Variants in METTL16 observed in about 807,000 individuals in gnomAD.
The protein encoded by METTL16 is RNA N(6)-adenosine-methyltransferase METTL16.
METTL16 carries 19 observed loss-of-function variants against 57.9 expected under a neutral mutation model. The observed-to-expected ratio is 0.33, with a 90% CI of 0.23 to 0.48. The LOEUF is 0.48. METTL16 is among the 20% of genes least tolerant of loss of function. The probability of loss-of-function intolerance (pLI) is 0.99; values close to 1 mark genes in which losing one functional copy is unlikely to be tolerated. For missense variants in METTL16, 434 were observed against 691.5 expected (o/e 0.63, Z 4.18); for synonymous variants, 246 against 255.6 (o/e 0.96, Z 0.36).
intron 8 of METTL16, among the ~76,000 whole-genome samples, chr17:2,432,409 T>G (rs1248728198): frequency 2.6e-5 from 4 of 151,970 alleles, no homozygotes. Context: ...CTCTATAAAA[T>G]AATACAAAAA....
At chr17:2,487,241 T>C (rs2067350202) in intron 2 of METTL16, among the ~76,000 whole-genome samples, 1 of 152,096 alleles carries the variant, frequency 6.6e-6, no homozygotes, top group African/African-American at 2.4e-5. Context: ...GAGAACCGTT[T>C]TTGAAGAGAA....
intron 2 of METTL16, among the ~76,000 whole-genome samples, chr17:2,480,669 C>G (rs920633442): frequency 2.6e-5 from 4 of 152,148 alleles, no homozygotes; most frequent in Non-Finnish European, 5.9e-5. Flanking sequence ...AAGATAGAAA[C>G]AAATCAGAAG....
intron 2 of METTL16, among the ~76,000 whole-genome samples, chr17:2,484,533 C>T (rs898040377): frequency 8.6e-5 from 13 of 151,040 alleles, no homozygotes; most frequent in Non-Finnish European, 1.5e-4. Context: ...TCGTTCTTGT[C>T]GCCCAGCCTG....
chr17:2,495,835 G>A (rs536071011), intron 2 of METTL16, among the ~76,000 whole-genome samples: 5 of 151,678 alleles, frequency 3.3e-5, no homozygotes, highest in South Asian at 2.1e-4. Flanking sequence ...CCGGCCGGGC[G>A]CGGTGGCTCA....
intron 2 of METTL16, 51 bp downstream of exon 2, chr17:2,502,153 T>C (rs117636705): frequency 6.4e-5 from 101 of 1,587,896 alleles, no homozygotes; most frequent in Non-Finnish European, 8.4e-5. Flanking sequence ...TATTACATCA[T>C]ATCCATTTGA....
intron 8 of METTL16, among the ~76,000 whole-genome samples, chr17:2,422,450 G>A (rs1013266459): frequency 2.6e-5 from 4 of 151,358 alleles, no homozygotes; most frequent in African/African-American, 4.9e-5. Context: ...GCGCCATCTC[G>A]GCTCACTGCA....
intron 8 of METTL16, among the ~76,000 whole-genome samples, chr17:2,428,595 ATATAT>A (rs1567881692): frequency 0.18 from 8,360 of 47,464 alleles, 1,182 homozygotes; most frequent in East Asian, 0.63. Flanking sequence ...ATATATATAT[ATATAT>A]ATAAATTGTA....
In METTL16 at chr17:2,419,635, A is replaced by C. The variant is rs1441111417; in HGVS notation, c.*335T>G. 3.9e-6 allele frequency: 2 copies of C among 517,536 alleles called. No homozygotes were observed. Among genetic ancestry groups the C allele is most frequent in the East Asian group, 1.0e-4 (2 of 19,148 alleles). The allele number at this position is 517,536 out of a possible 1,614,324, so 32.1% of individuals were successfully genotyped here. ...TATTCTAGGCAGTGCTGCCCAGCCC[A>C]GACTCCACAAACAACCCTTCTGACC... On this transcript the variant is annotated 3_prime_UTR_variant, in exon 10 of 10. Coordinates refer to ENST00000263092, the MANE Select transcript of METTL16 (RefSeq NM_024086.4).
At chr17:2,481,179 G>A (rs149416765) in intron 2 of METTL16, among the ~76,000 whole-genome samples, 29 of 150,422 alleles carry the variant, frequency 1.9e-4, no homozygotes, top group South Asian at 1.5e-3. Flanking sequence ...CCGCACTCCC[G>A]TACGGATGAC....
rs544482424 is a variant in METTL16, at chr17:2,465,380, A to G, written c.586-1030T>C. Among the ~76,000 whole-genome samples the G allele has an allele frequency of 1.3e-4, 19 of 149,766 alleles. No individual in the cohort carries two copies. In the East Asian group the frequency reaches 3.0e-3, roughly 23 times the overall value. On this transcript the variant is annotated intron_variant, in intron 5 of 9. Coordinates refer to ENST00000263092, the MANE Select transcript of METTL16 (RefSeq NM_024086.4). Reference sequence around the variant, plus strand: ...AACAAAGTGAAACCCCATCTCTACTAAAAAAAAATACAAAAAATTAGCTGG... The same window carrying G: ...AACAAAGTGAAACCCCATCTCTACTGAAAAAAAATACAAAAAATTAGCTGG...
At position 2,437,178 on chromosome 17, in the gene METTL16, G is replaced by A. The variant is rs540138257; in HGVS notation, c.888+931C>T. Among the ~76,000 whole-genome samples, 181 of 152,186 alleles carry A rather than the reference G, an allele frequency of 1.2e-3. 1 individual carries two copies. Among genetic ancestry groups the A allele is most frequent in the South Asian group, 7.7e-3 (37 of 4,822 alleles). Reference sequence around the variant, plus strand: ...ATCACAGGTGTGAGCCACCAGGCCTGGACACAAATCATTTCTTTAAACTTT... The same window carrying A: ...ATCACAGGTGTGAGCCACCAGGCCTAGACACAAATCATTTCTTTAAACTTT... On this transcript the variant is annotated intron_variant, in intron 8 of 9. Transcript: ENST00000263092.
At chr17:2,502,747 A>G (rs980722855) in intron 1 of METTL16, among the ~76,000 whole-genome samples, 3 of 152,124 alleles carry the variant, frequency 2.0e-5, no homozygotes, top group Admixed American at 6.6e-5. Context: ...TACAGCCAAC[A>G]TGTCTTTGCC....
At chr17:2,485,886 C>A (rs781552455) in intron 2 of METTL16, among the ~76,000 whole-genome samples, 66 of 152,268 alleles carry the variant, frequency 4.3e-4, no homozygotes, top group African/African-American at 1.4e-3. Context: ...ACTGACCCCC[C>A]CTAATTAGTG....
intron 7 of METTL16, among the ~76,000 whole-genome samples, chr17:2,441,222 TAAGTAG>T (rs954458365): frequency 3.3e-5 from 5 of 152,274 alleles, no homozygotes; most frequent in African/African-American, 1.2e-4. Flanking sequence ...TTCTTACTTC[TAAGTAG>T]GAGTTAAATA....
At position 2,475,869 on chromosome 17, in the gene METTL16, C is replaced by G. The variant is rs190919765; in HGVS notation, c.328+1817G>C. On this transcript the variant is annotated intron_variant, in intron 3 of 9. Transcript: ENST00000263092. ...TGAAATCCATTAACCTCCTCTATCC[C>G]CAAGTGCTATTTTAGAGGGTTTGGG... 2.6e-5 allele frequency among the ~76,000 whole-genome samples: 4 copies of G among 152,238 alleles called. No individual in the cohort carries two copies. The East Asian group carries it at 7.7e-4, about 29-fold the overall frequency.
chr17:2,504,989 C>A (rs2067519491), intron 1 of METTL16, among the ~76,000 whole-genome samples: 1 of 152,132 alleles, frequency 6.6e-6, no homozygotes, highest in South Asian at 2.1e-4. Context: ...TCTTGTCATT[C>A]CTAGGTAGCT....
intron 4 of METTL16, among the ~76,000 whole-genome samples, chr17:2,472,489 C>G (rs1225546020): frequency 2.6e-5 from 4 of 152,154 alleles, no homozygotes; most frequent in Admixed American, 6.5e-5. Context: ...AAGCTGCGCA[C>G]AGATGTTTCT....
chr17:2,442,672 G>T (rs543833512), intron 6 of METTL16, among the ~76,000 whole-genome samples: 5 of 152,212 alleles, frequency 3.3e-5, no homozygotes, highest in East Asian at 3.9e-4. Context: ...GACCCTATAG[G>T]TATTAAGAGG....
Position 2,418,144 on chromosome 17 carries a change from A to AC in METTL16, c.*1825dup, listed in dbSNP as rs2066734102. On this transcript the variant is annotated 3_prime_UTR_variant, in exon 10 of 10. Coordinates refer to ENST00000263092, the MANE Select transcript of METTL16 (RefSeq NM_024086.4). ...ATTCTTAATCCTTAGTGGGTTATTG[A>AC]CCCCTTTGTCTGTGTCTGAGGGTTC... 1 of 125,082 alleles carries AC rather than the reference A, an allele frequency of 8.0e-6. No homozygotes were observed. The highest frequency in any genetic ancestry group is 1.8e-5 in the Non-Finnish European group (1 of 55,278). 7.7% of individuals were successfully genotyped at this position (125,082 alleles called of 1,614,324 possible). A position where few individuals can be genotyped will look rare whatever the true frequency, so the allele number is the denominator to read the frequency against.
Sources: gnomAD v4.1 joint callset for allele counts (sites outside exome capture counted in the v4.1 genomes callset) on GRCh38, gnomAD v4.1.1 for gene constraint, MANE v1.5 for transcripts, NCBI Gene and HGNC (gene_info 2026-07-23, HGNC 2026-07-21) for gene names.